Variants in RBFOX1 observed in about 807,000 individuals in gnomAD.
RBFOX1 encodes RNA binding protein fox-1 homolog 1.
In RBFOX1, 8 loss-of-function variants were observed where a neutral mutation model predicts 57.7. That is an observed-to-expected ratio of 0.14 (90% CI 0.08 to 0.25). RBFOX1 has a LOEUF of 0.25. Among genes scored for constraint, RBFOX1 ranks in the 10% least tolerant of loss-of-function variants. The pLI is 1.00. For synonymous variants in RBFOX1, 326 were observed against 222.4 expected, an observed-to-expected ratio of 1.47 and a Z score of -4.15; for missense variants, 611 against 548.5, an observed-to-expected ratio of 1.11 and a Z score of -1.14.
chr16:6,654,693 G>T, intron 3 of RBFOX1, 43 bp downstream of exon 3: 1 of 1,435,450 alleles, frequency 7.0e-7, no homozygotes, highest in Non-Finnish European at 9.2e-7. Flanking sequence ...AACAAAACAA[G>T]AACTCTGTGA....
intron 3 of RBFOX1, among the ~76,000 whole-genome samples, chr16:6,765,510 C>G (rs2154203986): frequency 6.8e-6 from 1 of 148,060 alleles, no homozygotes; most frequent in Admixed American, 7.0e-5. Context: ...TGCACATGTA[C>G]ACCTCAACTT....
At chr16:6,695,990 C>T (rs1434291445) in intron 3 of RBFOX1, among the ~76,000 whole-genome samples, 1 of 152,164 alleles carries the variant, frequency 6.6e-6, no homozygotes, top group Non-Finnish European at 1.5e-5. Flanking sequence ...GACATACACA[C>T]ACTGATCTGA....
At chr16:5,718,910 A>AAATGAATG (rs551458775) in intron 3 of RBFOX1, among the ~76,000 whole-genome samples, 9 of 151,730 alleles carry the variant, frequency 5.9e-5, no homozygotes, top group East Asian at 5.8e-4. Flanking sequence ...TTGCTTCTCA[A>AAATGAATG]AATGAATGAA....
At chr16:7,644,546 T>C (rs1263806638) in intron 11 of RBFOX1, among the ~76,000 whole-genome samples, 4 of 152,160 alleles carry the variant, frequency 2.6e-5, no homozygotes, top group Admixed American at 6.5e-5. Flanking sequence ...TTAGCAACTC[T>C]CACCCGTTTG....
chr16:6,377,273 C>CAA (rs57044618), intron 2 of RBFOX1, among the ~76,000 whole-genome samples: 47 of 88,446 alleles, frequency 5.3e-4, no homozygotes, highest in African/African-American at 1.4e-3. Flanking sequence ...GACCCTGTCT[C>CAA]AAAAAAAAAA....
intron 1 of RBFOX1, among the ~76,000 whole-genome samples, chr16:5,354,593 T>G (rs1289917916): frequency 6.6e-6 from 1 of 152,258 alleles, no homozygotes; most frequent in Non-Finnish European, 1.5e-5. Context: ...TCTTTAATCT[T>G]AAGCCGCTTT....
intron 1 of RBFOX1, among the ~76,000 whole-genome samples, chr16:5,349,080 G>T (rs979020185): frequency 6.6e-6 from 1 of 152,170 alleles, no homozygotes; most frequent in African/African-American, 2.4e-5. Context: ...GTCAGCCGTT[G>T]TTATCTGCAA....
intron 4 of RBFOX1, among the ~76,000 whole-genome samples, chr16:7,435,216 G>A (rs1253004672): frequency 2.6e-5 from 4 of 151,908 alleles, no homozygotes; most frequent in Admixed American, 2.6e-4. Flanking sequence ...CTGTTTCTTA[G>A]ACTCTGCTTG....
chr16:6,880,872 G>C (rs1045980812), intron 3 of RBFOX1, among the ~76,000 whole-genome samples: 3 of 152,182 alleles, frequency 2.0e-5, no homozygotes, highest in Non-Finnish European at 2.9e-5. Flanking sequence ...ATTTTATGTG[G>C]TTGACAGAAA....
chr16:6,943,094 C>T (rs1260605205), intron 3 of RBFOX1, among the ~76,000 whole-genome samples: 1 of 152,146 alleles, frequency 6.6e-6, no homozygotes, highest in Non-Finnish European at 1.5e-5. Flanking sequence ...AGCAGGTCCC[C>T]AGGAGGGAGC....
At chr16:5,963,376 C>T (rs1418526415) in intron 4 of RBFOX1, among the ~76,000 whole-genome samples, 1 of 152,110 alleles carries the variant, frequency 6.6e-6, no homozygotes, top group Non-Finnish European at 1.5e-5. Context: ...GTGTTATACG[C>T]CAGGTTTAAA....
chr16:6,129,702 TA>T (rs35279011), intron 1 of RBFOX1, among the ~76,000 whole-genome samples: 1,815 of 121,120 alleles, frequency 0.015, 19 homozygotes, highest in Middle Eastern at 0.036. Flanking sequence ...CAGGTAGAAT[TA>T]AAAAAAAAAA....
At chr16:6,409,194 A>G (rs928278383) in intron 2 of RBFOX1, among the ~76,000 whole-genome samples, 3 of 152,142 alleles carry the variant, frequency 2.0e-5, no homozygotes, top group African/African-American at 7.2e-5. Context: ...CAGGTGGATC[A>G]CCTGAGGTCA....
intron 4 of RBFOX1, among the ~76,000 whole-genome samples, chr16:7,101,404 G>A (rs373063453): frequency 4.3e-4 from 66 of 152,190 alleles, no homozygotes; most frequent in African/African-American, 1.6e-3. Context: ...CTTGGATTTC[G>A]TTCCAGAGTC....
chr16:7,272,876 C>A (rs1381198168), intron 4 of RBFOX1, among the ~76,000 whole-genome samples: 1 of 143,850 alleles, frequency 7.0e-6, no homozygotes, highest in African/African-American at 2.6e-5. Context: ...TCTTCCCTTC[C>A]TTCCCTCCTT....
At chr16:5,302,254 T>C (rs1050330067) in intron 1 of RBFOX1, among the ~76,000 whole-genome samples, 1 of 152,228 alleles carries the variant, frequency 6.6e-6, no homozygotes, top group Non-Finnish European at 1.5e-5. Flanking sequence ...AGATAACTTA[T>C]TTTTAGTGAC....
intron 4 of RBFOX1, among the ~76,000 whole-genome samples, chr16:7,270,232 CAGTT>C (rs2095284820): frequency 6.6e-6 from 1 of 152,176 alleles, no homozygotes; most frequent in South Asian, 2.1e-4. Flanking sequence ...AGGACCTTCT[CAGTT>C]AGGTGTGAAA....
intron 2 of RBFOX1, among the ~76,000 whole-genome samples, chr16:6,550,998 A>G (rs1361734066): frequency 6.6e-6 from 1 of 152,182 alleles, no homozygotes; most frequent in Non-Finnish European, 1.5e-5. Flanking sequence ...GGAGGAGCAC[A>G]GGAGAACAGT....
intron 5 of RBFOX1, among the ~76,000 whole-genome samples, chr16:7,525,959 C>G (rs1186328583): frequency 6.6e-6 from 1 of 152,048 alleles, no homozygotes; most frequent in Non-Finnish European, 1.5e-5. Context: ...TACCCAACTC[C>G]CAGGCCACAG....
Sources: gnomAD v4.1 joint callset for allele counts (sites outside exome capture counted in the v4.1 genomes callset) on GRCh38, gnomAD v4.1.1 for gene constraint, MANE v1.5 for transcripts, NCBI Gene and HGNC (gene_info 2026-07-23, HGNC 2026-07-21) for gene names.